ERC2: variants seen among roughly 807,000 people sequenced by gnomAD.
The protein encoded by ERC2 is ELKS/RAB6-interacting/CAST family member 2, also known as ERC protein 2.
ERC2 carries 42 observed loss-of-function variants against 114.8 expected under a neutral mutation model. The ratio of observed to expected loss-of-function variants is 0.37; its 90% CI spans 0.29 to 0.47. The LOEUF (loss-of-function observed/expected upper bound fraction) is 0.47, where lower values mean the gene tolerates loss of function less well. Ranked by LOEUF, ERC2 falls within the 20% of genes least tolerant of loss-of-function variation. The pLI is 0.99. For missense variants in ERC2, 939 were observed against 1,150.7 expected (o/e 0.82, Z 2.66); for synonymous variants, 454 against 425.5 (o/e 1.07, Z -0.82).
intron 17 of ERC2, among the ~76,000 whole-genome samples, chr3:55,537,707 G>C (rs569827865): frequency 5.9e-5 from 9 of 152,308 alleles, no homozygotes; most frequent in Admixed American, 1.3e-4. Context: ...AAATTAAAAA[G>C]ACAAACCAGG....
At chr3:56,025,151 C>G (rs536641368) in intron 7 of ERC2, among the ~76,000 whole-genome samples, 3 of 152,296 alleles carry the variant, frequency 2.0e-5, no homozygotes, top group South Asian at 4.1e-4. Context: ...CTCCGTGTCC[C>G]TCAGAGGTAC....
intron 14 of ERC2, among the ~76,000 whole-genome samples, chr3:55,856,237 T>C (rs2061778271): frequency 6.6e-6 from 1 of 152,202 alleles, no homozygotes; most frequent in African/African-American, 2.4e-5. Flanking sequence ...GGCCCACCAA[T>C]GCTCCAGTGA....
intron 14 of ERC2, among the ~76,000 whole-genome samples, chr3:55,790,068 G>A (rs569386376): frequency 6.6e-6 from 1 of 152,212 alleles, no homozygotes; most frequent in African/African-American, 2.4e-5. Flanking sequence ...CCCCAAACAT[G>A]AACCTGATCC....
chr3:56,289,829 G>C (rs1252885672), intron 3 of ERC2, among the ~76,000 whole-genome samples: 1 of 152,176 alleles, frequency 6.6e-6, no homozygotes, highest in Non-Finnish European at 1.5e-5. Context: ...GCATGCAATG[G>C]GGACAGGTAC....
At chr3:56,348,828 T>G (rs758351750) in intron 2 of ERC2, among the ~76,000 whole-genome samples, 2 of 146,938 alleles carry the variant, frequency 1.4e-5, no homozygotes, top group African/African-American at 2.5e-5. Context: ...AACAGGATTC[T>G]TTACCCTACC....
At chr3:56,046,206 C>T (rs1324205827) in intron 7 of ERC2, among the ~76,000 whole-genome samples, 1 of 152,156 alleles carries the variant, frequency 6.6e-6, no homozygotes, top group African/African-American at 2.4e-5. Context: ...CTCCCTCAAC[C>T]ATCACCCTTT....
chr3:55,654,755 G>C (rs1239228246), intron 17 of ERC2, among the ~76,000 whole-genome samples: 1 of 152,236 alleles, frequency 6.6e-6, no homozygotes, highest in African/African-American at 2.4e-5. Flanking sequence ...CCTCTGACAG[G>C]ACAGATGGAG....
At chr3:56,065,372 A>G (rs947108691) in intron 7 of ERC2, among the ~76,000 whole-genome samples, 3 of 151,902 alleles carry the variant, frequency 2.0e-5, no homozygotes, top group Admixed American at 1.3e-4. Context: ...ACAGGCACGC[A>G]CTACCATGCC....
At chr3:56,209,039 T>G (rs1446925221) in intron 3 of ERC2, among the ~76,000 whole-genome samples, 1 of 152,116 alleles carries the variant, frequency 6.6e-6, no homozygotes, top group Non-Finnish European at 1.5e-5. Flanking sequence ...ACTCCCCTCC[T>G]CTGCTGAACC....
intron 3 of ERC2, among the ~76,000 whole-genome samples, chr3:56,284,235 TG>T (rs1391566318): frequency 1.3e-5 from 2 of 152,306 alleles, no homozygotes; most frequent in African/African-American, 4.8e-5. Context: ...ATAGAGGACT[TG>T]GTCAAGTGGG....
chr3:55,725,042 A>C (rs2064823615), intron 15 of ERC2, among the ~76,000 whole-genome samples: 1 of 152,188 alleles, frequency 6.6e-6, no homozygotes, highest in African/African-American at 2.4e-5. Context: ...GAGAGAGAGC[A>C]CAGTGAGAGA....
chr3:56,314,641 T>C lies in ERC2; in HGVS notation c.658-18206A>G, dbSNP rs1000401533. Among the ~76,000 whole-genome samples the C allele has an allele frequency of 4.6e-5, 7 of 150,728 alleles. No individual in the cohort carries two copies. The South Asian group carries it at 1.1e-3, about 23-fold the overall frequency. ...AAGCAATAGCACATAAAATAGCACA[T>C]AAAAAAAAAGAATAACCCTAGATTT... On this transcript the variant is annotated intron_variant, in intron 2 of 17. Coordinates refer to ENST00000288221, the MANE Select transcript of ERC2 (RefSeq NM_015576.3).
At chr3:55,725,637 CA>C (rs2064865298) in intron 15 of ERC2, among the ~76,000 whole-genome samples, 1 of 152,096 alleles carries the variant, frequency 6.6e-6, no homozygotes, top group Non-Finnish European at 1.5e-5. Flanking sequence ...AAAGAGTGCC[CA>C]TAAGTGCTCC....
At chr3:56,376,734 G>A (rs1235101701) in intron 2 of ERC2, among the ~76,000 whole-genome samples, 3 of 148,510 alleles carry the variant, frequency 2.0e-5, no homozygotes, top group Non-Finnish European at 4.4e-5. Flanking sequence ...CTGCACTCCA[G>A]CCTGGACAAC....
chr3:56,222,243 TA>T (rs1232283660), intron 3 of ERC2, among the ~76,000 whole-genome samples: 1 of 152,176 alleles, frequency 6.6e-6, no homozygotes, highest in Non-Finnish European at 1.5e-5. Flanking sequence ...CAGAGCAGAT[TA>T]AAGTTATAGA....
intron 14 of ERC2, among the ~76,000 whole-genome samples, chr3:55,742,095 G>GAA (rs1197365985): frequency 7.5e-6 from 1 of 132,784 alleles, no homozygotes; most frequent in Non-Finnish European, 1.6e-5. Flanking sequence ...TAGCCACCCT[G>GAA]AAAAAAAAAA....
intron 4 of ERC2, among the ~76,000 whole-genome samples, chr3:56,170,119 TG>T (rs2082553953): frequency 6.6e-6 from 1 of 152,250 alleles, no homozygotes; most frequent in African/African-American, 2.4e-5. Context: ...AGTGCAAACT[TG>T]GAACATACCT....
At chr3:56,281,571 A>T (rs1255145486) in intron 3 of ERC2, among the ~76,000 whole-genome samples, 1 of 152,138 alleles carries the variant, frequency 6.6e-6, no homozygotes, top group Non-Finnish European at 1.5e-5. Flanking sequence ...AGATGAGTAC[A>T]ATGTGATTCC....
intron 17 of ERC2, among the ~76,000 whole-genome samples, chr3:55,531,669 C>A (rs566653027): frequency 6.6e-6 from 1 of 152,304 alleles, no homozygotes; most frequent in Admixed American, 6.5e-5. Context: ...AGGTCATTCT[C>A]CCTCTGATTT....
Sources: allele counts gnomAD v4.1 joint callset (sites outside exome capture counted in the v4.1 genomes callset), GRCh38; gene constraint gnomAD v4.1.1; transcripts MANE v1.5; gene names NCBI Gene and HGNC (gene_info 2026-07-23, HGNC 2026-07-21).